PCDH9: variants seen among roughly 807,000 people sequenced by gnomAD.
PCDH9 encodes the protein protocadherin-9.
Under a neutral mutation model 70.6 loss-of-function variants are expected in PCDH9, and 24 were observed. The observed-to-expected ratio is 0.34, with a 90% CI of 0.25 to 0.48. The LOEUF (loss-of-function observed/expected upper bound fraction) is 0.48, where lower values mean the gene tolerates loss of function less well. Ranked by LOEUF, PCDH9 falls within the 20% of genes least tolerant of loss-of-function variation. The probability of loss-of-function intolerance (pLI) is 0.99; values close to 1 mark genes in which losing one functional copy is unlikely to be tolerated. For missense variants in PCDH9, 1,281 were observed against 1,503.6 expected (o/e 0.85, Z 2.45); for synonymous variants, 562 against 558.5 (o/e 1.01, Z -0.09).
intron 4 of PCDH9, among the ~76,000 whole-genome samples, chr13:66,406,210 G>A (rs1314494536): frequency 1.3e-5 from 2 of 152,136 alleles, no homozygotes; most frequent in East Asian, 3.9e-4. Flanking sequence ...CATGGGCTTT[G>A]GCATCAGATG....
At chr13:67,020,048 C>T (rs1200856329) in intron 2 of PCDH9, among the ~76,000 whole-genome samples, 1 of 152,096 alleles carries the variant, frequency 6.6e-6, no homozygotes, top group East Asian at 1.9e-4. Flanking sequence ...TGCAAGTAAA[C>T]CTTTGAATTT....
chr13:66,787,621 A>C (rs906201675), intron 3 of PCDH9, among the ~76,000 whole-genome samples: 1 of 152,094 alleles, frequency 6.6e-6, no homozygotes, highest in South Asian at 2.1e-4. Context: ...GTCTCAAAAA[A>C]AAAGAAAAAA....
chr13:66,967,776 T>C (rs1474811267), intron 2 of PCDH9, among the ~76,000 whole-genome samples: 1 of 152,104 alleles, frequency 6.6e-6, no homozygotes, highest in Non-Finnish European at 1.5e-5. Flanking sequence ...GAATTTACAT[T>C]TACCGGATAA....
chr13:66,440,421 AT>A (rs1435564778), intron 4 of PCDH9, among the ~76,000 whole-genome samples: 1 of 152,054 alleles, frequency 6.6e-6, no homozygotes, highest in Non-Finnish European at 1.5e-5. Context: ...TGTCTTTTAG[AT>A]TTTTTGGCTG....
chr13:66,777,379 C>A (rs1166226747), intron 3 of PCDH9, among the ~76,000 whole-genome samples: 2 of 151,142 alleles, frequency 1.3e-5, no homozygotes, highest in Non-Finnish European at 3.0e-5. Flanking sequence ...ACAACCTACT[C>A]ATCTGACAAA....
At chr13:66,394,248 T>C (rs562026375) in intron 4 of PCDH9, among the ~76,000 whole-genome samples, 6 of 152,308 alleles carry the variant, frequency 3.9e-5, no homozygotes, top group African/African-American at 1.2e-4. Flanking sequence ...GAAACAGGTC[T>C]TCTTGAGTAG....
intron 4 of PCDH9, among the ~76,000 whole-genome samples, chr13:66,502,607 A>G (rs1466513960): frequency 6.6e-6 from 1 of 151,428 alleles, no homozygotes; most frequent in African/African-American, 2.4e-5. Context: ...AAGGCTACAG[A>G]AGTACACGCT....
chr13:67,225,279 G>GT lies in PCDH9; in HGVS notation c.3036+125dup, dbSNP rs544031668. 9,897 of 1,259,074 alleles carry GT rather than the reference G, an allele frequency of 7.9e-3. 81 individuals carry two copies. The highest frequency in any genetic ancestry group is 0.032 in the South Asian group (2,106 of 65,144). The allele number at this position is 1,259,074 out of a possible 1,614,324, so 78.0% of individuals were successfully genotyped here. A position where few individuals can be genotyped will look rare whatever the true frequency, so the allele number is the denominator to read the frequency against. On this transcript the variant is annotated intron_variant, in intron 2 of 4. Transcript: ENST00000377865. The stretch of plus-strand genomic sequence containing the variant: ...CCCAGAGGAATAGAAAAGGGGTCAA[G>GT]TTTTTTTTTACCTCTTTCTAACTAA...
intron 4 of PCDH9, among the ~76,000 whole-genome samples, chr13:66,339,385 G>T (rs955551800): frequency 2.0e-5 from 3 of 152,012 alleles, no homozygotes; most frequent in South Asian, 2.1e-4. Flanking sequence ...TGTTGGGGGG[G>T]TGTGGGTGAA....
At chr13:66,478,686 A>G (rs1016109362) in intron 4 of PCDH9, among the ~76,000 whole-genome samples, 3 of 152,208 alleles carry the variant, frequency 2.0e-5, no homozygotes, top group East Asian at 1.9e-4. Flanking sequence ...AATTATCTTC[A>G]ATTCTAAGAA....
intron 3 of PCDH9, among the ~76,000 whole-genome samples, chr13:66,834,772 T>A (rs2080987560): frequency 6.6e-6 from 1 of 152,216 alleles, no homozygotes; most frequent in African/African-American, 2.4e-5. Flanking sequence ...CAAATGCCAC[T>A]AATATTTAAA....
intron 4 of PCDH9, among the ~76,000 whole-genome samples, chr13:66,528,246 T>C (rs1413009970): frequency 6.6e-6 from 1 of 152,128 alleles, no homozygotes; most frequent in Non-Finnish European, 1.5e-5. Context: ...ACCTCTGCTT[T>C]ATTATATGGG....
At chr13:67,096,509 A>G (rs1325710489) in intron 2 of PCDH9, among the ~76,000 whole-genome samples, 1 of 152,140 alleles carries the variant, frequency 6.6e-6, no homozygotes, top group Non-Finnish European at 1.5e-5. Flanking sequence ...TCAGCAACAC[A>G]ACAAAAATCT....
chr13:67,037,973 C>T (rs2085042229), intron 2 of PCDH9, among the ~76,000 whole-genome samples: 1 of 151,952 alleles, frequency 6.6e-6, no homozygotes, highest in Non-Finnish European at 1.5e-5. Context: ...TATCAGAATA[C>T]TGACGTATAA....
At chr13:66,603,536 T>G (rs2077187294) in intron 4 of PCDH9, among the ~76,000 whole-genome samples, 8 of 152,014 alleles carry the variant, frequency 5.3e-5, no homozygotes, top group Admixed American at 4.6e-4. Flanking sequence ...TATGACTGAG[T>G]AGGCACTTAC....
intron 2 of PCDH9, chr13:66,978,611 A>G (rs1053270701): frequency 6.6e-6 from 1 of 151,152 alleles, no homozygotes; most frequent in African/African-American, 2.4e-5. Context: ...TGAATTATAG[A>G]TCAGAGATTT....
At chr13:66,447,333 C>A (rs1958113090) in intron 4 of PCDH9, among the ~76,000 whole-genome samples, 1 of 151,876 alleles carries the variant, frequency 6.6e-6, no homozygotes. Context: ...AGATTTGAGT[C>A]TAATATTAGG....
At chr13:66,752,052 C>T (rs551351872) in intron 3 of PCDH9, among the ~76,000 whole-genome samples, 1 of 152,216 alleles carries the variant, frequency 6.6e-6, no homozygotes, top group South Asian at 2.1e-4. Context: ...GAGCTAACAC[C>T]TGAATGATAG....
intron 2 of PCDH9, among the ~76,000 whole-genome samples, chr13:66,970,358 G>T (rs951508040): frequency 6.6e-6 from 1 of 151,894 alleles, no homozygotes; most frequent in Non-Finnish European, 1.5e-5. Context: ...TCTGGGCATG[G>T]TGACTCAGGC....
Sources: allele counts gnomAD v4.1 joint callset (sites outside exome capture counted in the v4.1 genomes callset), GRCh38; gene constraint gnomAD v4.1.1; transcripts MANE v1.5; gene names NCBI Gene and HGNC (gene_info 2026-07-23, HGNC 2026-07-21).